The following CCNF variants were observed in gnomAD, a reference collection of about 807,000 sequenced individuals.
CCNF encodes cyclin F, also known as cyclin-F.
Under a neutral mutation model 85.4 loss-of-function variants are expected in CCNF, and 30 were observed. The observed-to-expected ratio is 0.35, with a 90% confidence interval of 0.26 to 0.48. CCNF has a LOEUF of 0.48. CCNF is among the 20% of genes least tolerant of loss of function. The pLI is 0.99. For missense variants in CCNF, 919 were observed against 1,010.4 expected, an observed-to-expected ratio of 0.91 and a Z score of 1.23; for synonymous variants, 439 against 425.1, an observed-to-expected ratio of 1.03 and a Z score of -0.40.
intron 2 of CCNF, among the ~76,000 whole-genome samples, chr16:2,432,006 A>G (rs1470698831): frequency 1.3e-5 from 2 of 151,698 alleles, no homozygotes; most frequent in Non-Finnish European, 2.9e-5. Context: ...AATTTATTGT[A>G]TTTTTAGTAG....
chr16:2,437,102 T>C (rs1198174447), intron 4 of CCNF, 27 bp from the exon 5 acceptor site: 1 of 1,530,472 alleles, frequency 6.5e-7, no homozygotes, highest in East Asian at 2.4e-5. Context: ...GAGACATCCC[T>C]GGGCTCTGTC....
At chr16:2,431,581 G>A (rs1209757417) in intron 2 of CCNF, among the ~76,000 whole-genome samples, 1 of 150,452 alleles carries the variant, frequency 6.6e-6, no homozygotes, top group East Asian at 2.0e-4. Flanking sequence ...TAGGGAGGCT[G>A]AGGCGGGAAA....
intron 3 of CCNF, among the ~76,000 whole-genome samples, chr16:2,434,428 C>A (rs993959452): frequency 1.4e-4 from 22 of 152,226 alleles, no homozygotes; most frequent in African/African-American, 5.3e-4. Flanking sequence ...GCCTGAGCAA[C>A]ATGGTGAAAC....
intron 9 of CCNF, 25 bp from the exon 10 acceptor site, chr16:2,445,433 T>C: frequency 1.2e-6 from 2 of 1,613,314 alleles, no homozygotes; most frequent in Non-Finnish European, 1.7e-6. Context: ...CCCCCACCAG[T>C]TCCCACGTGC....
chr16:2,455,398 G>C lies in CCNF; in HGVS notation c.1719G>C (p.Lys573Asn). ...SSPSGRRTKRKRENSLQEDRG... is the reference protein window; with the variant it reads ...SSPSGRRTKRNRENSLQEDRG... Reference sequence around the variant, plus strand: ...CTGGGCTCTCTCCACCTTGCAGGAAGCGGGAGAACAGCCTCCAGGAAGACA... The same window carrying C: ...CTGGGCTCTCTCCACCTTGCAGGAACCGGGAGAACAGCCTCCAGGAAGACA... Residue 573 changes from lysine (K) to asparagine (N), a missense_variant, in exon 16 of 17, where the codon AAG becomes AAC. By Grantham distance (94) the Lys-to-Asn change is moderately conservative. Coordinates refer to ENST00000397066, the MANE Select transcript of CCNF (RefSeq NM_001761.3). 1 of 1,579,388 alleles carries C rather than the reference G, an allele frequency of 6.3e-7. No individual in the cohort carries two copies.
At chr16:2,442,973 A>G (rs1207947893) in intron 8 of CCNF, among the ~76,000 whole-genome samples, 1 of 102,522 alleles carries the variant, frequency 9.8e-6, no homozygotes, top group African/African-American at 4.0e-5. Context: ...ATATATTTAT[A>G]TATTATATAT....
At position 2,433,050 on chromosome 16, in the gene CCNF, C is replaced by T; in HGVS notation, c.261C>T (p.Asn87=). The change falls in exon 3 of 17, where the codon AAC becomes AAT. Residue 87 remains asparagine (N), a synonymous_variant. Transcript: ENST00000397066. ...SFQELWPSPG[N]LKLFERAAEK... ...AGGAGCTGTGGCCGTCTCCAGGGAACCTGAAGCTCTTTGAAAGGTATCTCT... is the reference window on the plus strand; with the variant it reads ...AGGAGCTGTGGCCGTCTCCAGGGAATCTGAAGCTCTTTGAAAGGTATCTCT... 6.2e-7 allele frequency: 1 copy of T among 1,608,854 alleles called. No individual in the cohort carries two copies. The highest frequency in any genetic ancestry group is 2.2e-5 in the East Asian group (1 of 44,730).
chr16:2,447,445 G>A (rs2065368229), intron 10 of CCNF, among the ~76,000 whole-genome samples: 2 of 151,962 alleles, frequency 1.3e-5, no homozygotes, highest in Admixed American at 1.3e-4. Flanking sequence ...TTAGCTGGGC[G>A]TGGTGGTGCA....
At chr16:2,444,000 A>G (rs1441014822) in intron 9 of CCNF, among the ~76,000 whole-genome samples, 200 bp downstream of exon 9, 2 of 151,306 alleles carry the variant, frequency 1.3e-5, no homozygotes, top group Non-Finnish European at 2.9e-5. Context: ...GCTCACTGCA[A>G]GCTCCGCCTC....
intron 15 of CCNF, among the ~76,000 whole-genome samples, chr16:2,455,051 A>G (rs1441455175): frequency 7.1e-6 from 1 of 140,752 alleles, no homozygotes; most frequent in Non-Finnish European, 1.5e-5. Flanking sequence ...CAGAGCAAGA[A>G]CACCTCAAAA....
chr16:2,445,704 C>A, intron 10 of CCNF, 82 bp downstream of exon 10: 19 of 1,211,408 alleles, frequency 1.6e-5, no homozygotes, highest in Non-Finnish European at 2.2e-5. Context: ...ATGTGCTCCT[C>A]ACTGGTTTGG....
At chr16:2,441,087 A>C (rs1407478055) in intron 8 of CCNF, among the ~76,000 whole-genome samples, 2 of 151,998 alleles carry the variant, frequency 1.3e-5, no homozygotes, top group African/African-American at 4.8e-5. Flanking sequence ...CAAAAAAATT[A>C]GCTGGGCCTG....
rs186390448 is a variant in CCNF at position 2,450,419 on chromosome 16, G to C, written c.1487+504G>C. On this transcript the variant is annotated intron_variant, in intron 13 of 16. Coordinates refer to ENST00000397066, the MANE Select transcript of CCNF (RefSeq NM_001761.3). ...CCAGCTACTCAGGAGGCTGAGACAG[G>C]AGAATCACTTGAACCCGGGAGGCAG... Among the ~76,000 whole-genome samples the C allele has an allele frequency of 1.1e-3, 166 of 150,946 alleles. 2 individuals carry two copies. The highest frequency in any genetic ancestry group is 6.8e-3 in the Middle Eastern group (2 of 294).
At chr16:2,449,776 A>ATCCCCCCCG (rs1567389511) in intron 12 of CCNF, 52 bp from the exon 13 acceptor site, 4 of 383,608 alleles carry the variant, frequency 1.0e-5, no homozygotes, top group Admixed American at 5.2e-5. Context: ...CGTCCCCTCC[A>ATCCCCCCCG]TCCCCTCCGT....
chr16:2,437,284 G>A lies in CCNF; in HGVS notation c.502G>A (p.Val168Ile), dbSNP rs1391456018. 1.9e-6 allele frequency: 3 copies of A among 1,606,428 alleles called. No homozygotes were observed. The highest frequency in any genetic ancestry group is 2.7e-5 in the African/African-American group (2 of 74,892). The change falls in exon 5 of 17, where the codon GTT becomes ATT. Residue 168 changes from valine to isoleucine, a missense_variant. This residue lies in a region of CCNF where 410 missense variants were observed against 478.6 expected (regional missense o/e 0.86). Transcript: ENST00000397066. ...SVSGSCCKAV[V>I]HESLRAECQL... ...GAGCGGAAGCTGCTGCAAGGCCGTG[G>A]TTCACGAGAGCCTCAGGGCAGAGTG...
rs527460111 is a variant in CCNF, at chr16:2,451,480, C to A, written c.1487+1565C>A. Among the ~76,000 whole-genome samples, 8 of 152,318 alleles carry A rather than the reference C, an allele frequency of 5.3e-5. No individual in the cohort carries two copies. Among genetic ancestry groups the A allele is most frequent in the South Asian group, 4.1e-4 (2 of 4,830 alleles). On this transcript the variant is annotated intron_variant, in intron 13 of 16. Transcript: ENST00000397066. This position sits in a 1 kb window ranked among gnomAD's most constrained non-coding sequence, Gnocchi z 4.3. ...GACTTGCTCCTCCCACCTCTCGGCACCCCCACTCCCTGGTCTCCCACTTCC... is the reference window on the plus strand; with the variant it reads ...GACTTGCTCCTCCCACCTCTCGGCAACCCCACTCCCTGGTCTCCCACTTCC...
chr16:2,431,975 C>G (rs997297082), intron 2 of CCNF, among the ~76,000 whole-genome samples: 1 of 151,768 alleles, frequency 6.6e-6, no homozygotes, highest in Admixed American at 6.6e-5. Context: ...GGACTACAGG[C>G]ACCCGCCACC....
chr16:2,453,026 G>C lies in CCNF; in HGVS notation c.1488-184G>C. Reference sequence around the variant, plus strand: ...TGGACATAGTTTTTCCTTTTTCCTGGGTCTTTACCTAGAGAGGAATTGCTA... The same window carrying C: ...TGGACATAGTTTTTCCTTTTTCCTGCGTCTTTACCTAGAGAGGAATTGCTA... On this transcript the variant is annotated intron_variant, in intron 13 of 16. Coordinates refer to ENST00000397066, the MANE Select transcript of CCNF (RefSeq NM_001761.3). The surrounding 1 kb of genome is among the most constrained non-coding windows in gnomAD (Gnocchi z 5.6). 1.6e-6 allele frequency: 1 copy of C among 610,106 alleles called. No individual in the cohort carries two copies. The highest frequency in any genetic ancestry group is 2.8e-5 in the Admixed American group (1 of 35,602). The allele number at this position is 610,106 out of a possible 1,614,324, so 37.8% of individuals were successfully genotyped here.
At chr16:2,455,688 G>A in intron 16 of CCNF, 124 bp downstream of exon 16, 2 of 1,394,870 alleles carry the variant, frequency 1.4e-6, no homozygotes, top group South Asian at 3.5e-5. Flanking sequence ...AGTGCGGGGT[G>A]GGGCCAGCTC....
Sources: allele counts gnomAD v4.1 joint callset (sites outside exome capture counted in the v4.1 genomes callset), GRCh38; gene constraint gnomAD v4.1.1; regional missense constraint gnomAD v4.1.1; non-coding constraint Gnocchi (gnomAD v3.1); transcripts MANE v1.5; gene names NCBI Gene and HGNC (gene_info 2026-07-23, HGNC 2026-07-21).